Variants in PRMT9 observed in about 807,000 individuals in gnomAD.
The protein encoded by PRMT9 is protein arginine N-methyltransferase 9.
A neutral mutation model predicts 83.2 loss-of-function variants in PRMT9; 59 were observed. The ratio of observed to expected loss-of-function variants is 0.71; its 90% confidence interval spans 0.57 to 0.88. PRMT9 has a LOEUF of 0.88. PRMT9 is among the 40% of genes least tolerant of loss of function. The pLI, the probability that PRMT9 is intolerant of heterozygous loss-of-function variation, is 0.00. For synonymous variants in PRMT9, 333 were observed against 353.2 expected (o/e 0.94, Z 0.64); for missense variants, 947 against 1,021.9 (o/e 0.93, Z 1.00).
At chr4:147,656,633 G>A (rs769054425) in intron 8 of PRMT9, among the ~76,000 whole-genome samples, 11 of 151,596 alleles carry the variant, frequency 7.3e-5, no homozygotes, top group Non-Finnish European at 1.0e-4. Context: ...TTAGCTGGGC[G>A]TGGTGGCATG....
intron 9 of PRMT9, among the ~76,000 whole-genome samples, chr4:147,643,838 ATAAAC>A (rs988374982): frequency 2.5e-4 from 38 of 152,086 alleles, no homozygotes; most frequent in Middle Eastern, 3.4e-3. Context: ...CTACAAATAA[ATAAAC>A]TAGCCAGGTG....
intron 9 of PRMT9, among the ~76,000 whole-genome samples, chr4:147,647,586 AAT>A (rs1733812139): frequency 6.6e-6 from 1 of 150,956 alleles, no homozygotes; most frequent in African/African-American, 2.4e-5. Flanking sequence ...GCAGTGGTAC[AAT>A]CTCAGCTCAC....
intron 10 of PRMT9, among the ~76,000 whole-genome samples, chr4:147,640,456 A>T (rs564210912): frequency 6.6e-6 from 1 of 152,172 alleles, no homozygotes; most frequent in Admixed American, 6.5e-5. Flanking sequence ...TTCAGTTCCC[A>T]GCCCTCTCTA....
chr4:147,680,317 A>G lies in PRMT9; in HGVS notation c.338+6T>C, dbSNP rs1029637488. On this transcript the variant is annotated splice_donor_region_variant and intron_variant, in intron 2 of 11. Transcript: ENST00000322396. ...CTTAACAAGTAATACTAAAATCACT[A>G]CAAACCTGAAGAGATGCTCCCCCAT... is the stretch of plus-strand genomic sequence containing the variant. The G allele has an allele frequency of 6.2e-7, 1 of 1,613,750 alleles. No homozygotes were observed. The highest frequency in any genetic ancestry group is 8.5e-7 in the Non-Finnish European group (1 of 1,179,644).
chr4:147,660,732 A>T, intron 7 of PRMT9, 114 bp downstream of exon 7: 1 of 672,698 alleles, frequency 1.5e-6, no homozygotes, highest in Non-Finnish European at 2.6e-6. Flanking sequence ...TTCTTTACAT[A>T]CAATAAGTGG....
intron 6 of PRMT9, 47 bp downstream of exon 6, chr4:147,668,492 C>T (rs1735496389): frequency 8.9e-7 from 1 of 1,118,258 alleles, no homozygotes; most frequent in Non-Finnish European, 1.4e-6. Context: ...ATTACCCAAT[C>T]TTGGGAGGTG....
chr4:147,647,525 CT>C lies in PRMT9; in HGVS notation c.2046-4586del, dbSNP rs111868573. On this transcript the variant is annotated intron_variant, in intron 9 of 11. Transcript: ENST00000322396. The stretch of plus-strand genomic sequence containing the variant: ...CCTGCCTTGTGATAATTACACTTTT[CT>C]TTTTTTTTTTTTTTGAGACGGAGTC... Among the ~76,000 whole-genome samples the C allele has an allele frequency of 1.8e-3, 260 of 141,394 alleles. 1 individual carries two copies. The highest frequency in any genetic ancestry group is 0.012 in the South Asian group (52 of 4,394). 92.8% of individuals were successfully genotyped at this position (141,394 alleles called of 152,430 possible).
chr4:147,678,480 A>G (rs7687368), intron 2 of PRMT9, among the ~76,000 whole-genome samples: 131,220 of 152,218 alleles, frequency 0.86, 58,781 homozygotes, highest in Non-Finnish European at 0.98. Context: ...CACATGTACT[A>G]GTATGCAGAG....
Position 147,654,273 on chromosome 4 carries a change from T to C in PRMT9, c.1624A>G (p.Ser542Gly), listed in dbSNP as rs113446925. The C allele has an allele frequency of 6.2e-7, 1 of 1,614,226 alleles. No homozygotes were observed. Among genetic ancestry groups the C allele is most frequent in the Non-Finnish European group, 8.5e-7 (1 of 1,180,034 alleles). Reference protein sequence around the residue: ...PYHEGFKMAMSKVLSSLTPEK... With the variant: ...PYHEGFKMAMGKVLSSLTPEK... ...GGAGTCAGTGAAGACAAAACTTTGC[T>C]CATTGCCATTTTAAAGCCTTCATGA... Residue 542 changes from serine to glycine, a missense_variant, in exon 9 of 12, where the codon AGC (serine) becomes GGC (glycine). Physicochemically the swap from Ser to Gly is moderately conservative, Grantham distance 56. Transcript: ENST00000322396.
chr4:147,658,016 T>A, intron 7 of PRMT9, 41 bp from the exon 8 acceptor site: 10 of 1,275,994 alleles, frequency 7.8e-6, no homozygotes, highest in Non-Finnish European at 1.1e-5. Flanking sequence ...TTTATATATT[T>A]CATATATACT....
At chr4:147,651,695 T>C (rs1734109752) in intron 9 of PRMT9, among the ~76,000 whole-genome samples, 1 of 152,180 alleles carries the variant, frequency 6.6e-6, no homozygotes, top group Admixed American at 6.5e-5. Context: ...GAAGACATTA[T>C]GCTAAGTGAA....
chr4:147,680,261 T>G, intron 2 of PRMT9, 62 bp downstream of exon 2: 1 of 1,481,184 alleles, frequency 6.8e-7, no homozygotes, highest in Non-Finnish European at 9.4e-7. Context: ...ACAGTATGAT[T>G]TATCCCTATC....
chr4:147,678,525 G>A (rs572227231), intron 2 of PRMT9, among the ~76,000 whole-genome samples: 1 of 152,150 alleles, frequency 6.6e-6, no homozygotes, highest in Non-Finnish European at 1.5e-5. Context: ...TCCTTTGAAA[G>A]GCCTGATTAC....
rs768674064 is a variant in PRMT9 at position 147,654,339 on chromosome 4, A to G, written c.1558T>C (p.Leu520=). ...KPDAVEQTCI[L]ESTEIALLNN... is the part of the protein sequence containing the mutation. ...AGCAAAGCAATTTCTGTAGATTCCAATATACATGTCTGCTCTACAGCATCT... is the reference window on the plus strand; with the variant it reads ...AGCAAAGCAATTTCTGTAGATTCCAGTATACATGTCTGCTCTACAGCATCT... The change falls in exon 9 of 12, where the codon TTG becomes CTG. Residue 520 remains leucine (L), a synonymous_variant. Transcript: ENST00000322396. The G allele has an allele frequency of 1.2e-6, 2 of 1,614,174 alleles. No homozygotes were observed. Among genetic ancestry groups the G allele is most frequent in the South Asian group, 1.1e-5 (1 of 91,078 alleles).
chr4:147,680,400 A>G lies in PRMT9; in HGVS notation c.261T>C (p.Leu87=), dbSNP rs183184451. 74 of 1,614,062 alleles carry G rather than the reference A, an allele frequency of 4.6e-5. No homozygotes were observed. The highest frequency in any genetic ancestry group is 1.3e-4 in the Admixed American group (8 of 60,020). Residue 87 remains leucine (L), a synonymous_variant, in exon 2 of 12, where the codon CTT becomes CTC. Transcript: ENST00000322396. ...GTTCCAAGGCCTGCTCATAGCAACC[A>G]AGTAAGTCTTGTATCCGACTGAGAG... ...LDALSRIQDL[L]GCYEQALELF...
At chr4:147,670,014 C>T (rs1343804936) in intron 5 of PRMT9, among the ~76,000 whole-genome samples, 4 of 152,168 alleles carry the variant, frequency 2.6e-5, no homozygotes, top group East Asian at 1.9e-4. Flanking sequence ...AAAGTACCTC[C>T]GTTTTTCAAC....
chr4:147,682,324 C>T (rs1736532542), intron 1 of PRMT9, among the ~76,000 whole-genome samples: 1 of 152,166 alleles, frequency 6.6e-6, no homozygotes, highest in African/African-American at 2.4e-5. Flanking sequence ...TGATTACAGG[C>T]ATGCACCACC....
intron 10 of PRMT9, among the ~76,000 whole-genome samples, chr4:147,640,230 A>C (rs1464710381): frequency 6.6e-6 from 1 of 151,104 alleles, no homozygotes; most frequent in African/African-American, 2.4e-5. Context: ...CCACCACCAC[A>C]CTTGGCTAAT....
chr4:147,665,709 T>C (rs1312363804), intron 6 of PRMT9, among the ~76,000 whole-genome samples: 2 of 152,250 alleles, frequency 1.3e-5, no homozygotes. Flanking sequence ...TCACTGCTCC[T>C]AAGATTATGC....
Sources: gnomAD v4.1 joint callset for allele counts (sites outside exome capture counted in the v4.1 genomes callset) on GRCh38, gnomAD v4.1.1 for gene constraint, MANE v1.5 for transcripts, NCBI Gene and HGNC (gene_info 2026-07-23, HGNC 2026-07-21) for gene names.